Variants in HSP90AA1 observed in about 807,000 individuals in gnomAD.
HSP90AA1 encodes heat shock protein 90 alpha family class A member 1, also known as heat shock protein HSP 90-alpha.
In HSP90AA1, 18 loss-of-function variants were observed where a neutral mutation model predicts 73.3. That is an observed-to-expected ratio of 0.25 (90% CI 0.17 to 0.36). The LOEUF is 0.36. Among genes scored for constraint, HSP90AA1 ranks in the 10% least tolerant of loss-of-function variants. The pLI, the probability that HSP90AA1 is intolerant of heterozygous loss-of-function variation, is 1.00. For synonymous variants in HSP90AA1, 477 were observed against 296.9 expected (o/e 1.61, Z -6.24); for missense variants, 704 against 874.2 (o/e 0.81, Z 2.45).
At chr14:102,112,518 G>A (rs1484044621) in intron 1 of HSP90AA1, among the ~76,000 whole-genome samples, 2 of 151,142 alleles carry the variant, frequency 1.3e-5, no homozygotes, top group Non-Finnish European at 2.9e-5. Flanking sequence ...TTGCTCTGTT[G>A]CCTAGCCTGG....
At chr14:102,089,077 C>T (rs973179058), upstream of HSP90AA1, among the ~76,000 whole-genome samples, 5 of 152,036 alleles carry the variant, frequency 3.3e-5, no homozygotes, top group East Asian at 1.9e-4. Flanking sequence ...CCCACCACTA[C>T]GCCCGGCTAA....
chr14:102,085,081 C>T, intron 4 of HSP90AA1, 83 bp from the exon 5 acceptor site: 1 of 1,607,006 alleles, frequency 6.2e-7, no homozygotes, highest in East Asian at 2.2e-5. Context: ...CAACCTAAGG[C>T]CCAAGTCTAA....
intron 1 of HSP90AA1, among the ~76,000 whole-genome samples, chr14:102,122,785 A>T (rs561198802): frequency 6.6e-6 from 1 of 151,610 alleles, no homozygotes. Flanking sequence ...CTCCTGTTTC[A>T]GCCTCCCGAG....
At chr14:102,139,566 G>C (rs972237632) in exon 1 of HSP90AA1, 1 of 774,388 alleles carries the variant, frequency 1.3e-6, no homozygotes, top group African/African-American at 1.8e-5. Flanking sequence ...CACCAGCCCC[G>C]CCGCGGTTCC....
intron 2 of HSP90AA1, among the ~76,000 whole-genome samples, chr14:102,097,112 G>A (rs1028432082): frequency 9.2e-5 from 14 of 151,828 alleles, no homozygotes; most frequent in African/African-American, 3.4e-4. Context: ...TCAGCCTCCC[G>A]AATAGCTGGG....
At chr14:102,125,726 T>C (rs2049831972) in intron 1 of HSP90AA1, among the ~76,000 whole-genome samples, 1 of 152,216 alleles carries the variant, frequency 6.6e-6, no homozygotes. Flanking sequence ...CAATCGTGTG[T>C]AGCGAACAAC....
exon 1 of HSP90AA1, chr14:102,139,518 G>T: frequency 9.1e-7 from 1 of 1,096,116 alleles, no homozygotes; most frequent in Non-Finnish European, 1.3e-6. Context: ...GCGGGAGACC[G>T]CTGAGGAGGC....
At position 102,083,199 on chromosome 14, in the gene HSP90AA1, G is replaced by A. The variant is rs1595655120; in HGVS notation, c.1590C>T (p.Val530=). The A allele has an allele frequency of 1.9e-6, 3 of 1,613,930 alleles. No homozygotes were observed. The highest frequency in any genetic ancestry group is 1.7e-6 in the Non-Finnish European group (2 of 1,179,956). Reference sequence around the variant, plus strand: ...TCCCCTCAAATTCCTTCAGCTGTTGGACACAGTACTCATCAATGGGCTCAA... The same window carrying A: ...TCCCCTCAAATTCCTTCAGCTGTTGAACACAGTACTCATCAATGGGCTCAA... ...YMIEPIDEYC[V]QQLKEFEGKT... Residue 530 remains valine (V), a synonymous_variant, in exon 9 of 11, where the codon GTC becomes GTT. Transcript: ENST00000216281.
chr14:102,084,005 T>C (rs200835561), intron 6 of HSP90AA1, 22 bp from the exon 7 acceptor site: 380 of 1,574,676 alleles, frequency 2.4e-4, no homozygotes, highest in Non-Finnish European at 3.2e-4. Flanking sequence ...ATAAACCAAA[T>C]GCACTGAGTC....
At chr14:102,093,559 G>C (rs1434747493) in intron 2 of HSP90AA1, among the ~76,000 whole-genome samples, 1 of 152,006 alleles carries the variant, frequency 6.6e-6, no homozygotes, top group Non-Finnish European at 1.5e-5. Flanking sequence ...TTAAAGCACG[G>C]GTCTGGAGCC....
rs796389419 is a variant in HSP90AA1 at position 102,105,227 on chromosome 14, A to C, written c.156-3142T>G. Among the ~76,000 whole-genome samples, 80 of 135,804 alleles carry C rather than the reference A, an allele frequency of 5.9e-4. 2 individuals are homozygous for C. The highest frequency in any genetic ancestry group is 2.2e-3 in the African/African-American group (65 of 29,320). The allele number at this position is 135,804 out of a possible 152,430, so 89.1% of individuals were successfully genotyped here. ...GTCTCAAAAAAAAAAAACAAAAAAA[A>C]AACCAAACTTCATTCAACAAACACT... On this transcript the variant is annotated intron_variant, in intron 1 of 11. Transcript: ENST00000334701.
chr14:102,115,228 G>T (rs1469100490), intron 1 of HSP90AA1, among the ~76,000 whole-genome samples: 4 of 152,102 alleles, frequency 2.6e-5, no homozygotes, highest in Non-Finnish European at 5.9e-5. Flanking sequence ...GAACCCGGGA[G>T]GTAGAGTGAG....
At chr14:102,112,455 T>A (rs1170765673) in intron 1 of HSP90AA1, among the ~76,000 whole-genome samples, 1 of 152,228 alleles carries the variant, frequency 6.6e-6, no homozygotes, top group Non-Finnish European at 1.5e-5. Flanking sequence ...GTTACGGGCG[T>A]GAGCCACCGT....
chr14:102,086,946 C>G (rs2049256444), intron 1 of HSP90AA1, 40 bp downstream of exon 1: 1 of 970,210 alleles, frequency 1.0e-6, no homozygotes, highest in South Asian at 4.8e-5. Context: ...CAGTCCCGGT[C>G]CCCAGTCCAC....
chr14:102,091,607 C>G (rs1284152008), upstream of HSP90AA1, among the ~76,000 whole-genome samples: 1 of 151,856 alleles, frequency 6.6e-6, no homozygotes, highest in Non-Finnish European at 1.5e-5. Context: ...ACCTGGGCAA[C>G]AGAGTGAGAC....
intron 1 of HSP90AA1, among the ~76,000 whole-genome samples, chr14:102,127,159 A>T (rs921562642): frequency 2.0e-5 from 3 of 152,010 alleles, no homozygotes; most frequent in African/African-American, 4.8e-5. Flanking sequence ...AAAAAATCTC[A>T]TCTTTCCTGT....
At position 102,084,436 on chromosome 14, in the gene HSP90AA1, G is replaced by A. The variant is rs1486720038; in HGVS notation, c.1110C>T (p.Ile370=). 1.2e-5 allele frequency: 19 copies of A among 1,612,898 alleles called. No individual in the cohort carries two copies. Among genetic ancestry groups the A allele is most frequent in the South Asian group, 3.3e-5 (3 of 91,062 alleles). ...GGATTAGCTCCTCACAGTTATCCAT[G>A]ATGAAAACTCTGCGTACATACAATT... ...NIKLYVRRVF[I]MDNCEELIPE... Residue 370 remains isoleucine (I), a synonymous_variant, in exon 6 of 11, where the codon ATC becomes ATT. Coordinates refer to ENST00000216281, the MANE Select transcript of HSP90AA1 (RefSeq NM_005348.4).
chr14:102,083,034 C>A lies in HSP90AA1; in HGVS notation c.1755G>T (p.Lys585Asn). 1 of 1,613,736 alleles carries A rather than the reference C, an allele frequency of 6.2e-7. No homozygotes were observed. The change falls in exon 9 of 11, where the codon AAG becomes AAT. Residue 585 changes from lysine to asparagine, a missense_variant and splice_region_variant. Transcript: ENST00000216281. The stretch of plus-strand genomic sequence containing the variant: ...ATCAGGAAATGCTGTATTCACATAC[C>A]TTTTCAACTTTTTTCTCCAATATGT... The part of the protein sequence containing the change: ...MKDILEKKVE[K>N]VVVSNRLVTS...
At chr14:102,099,479 A>G (rs768448180) in intron 2 of HSP90AA1, among the ~76,000 whole-genome samples, 47 of 152,284 alleles carry the variant, frequency 3.1e-4, no homozygotes, top group South Asian at 1.9e-3. Flanking sequence ...AATCACTTGG[A>G]TCTGGGAGGC....
Sources: allele counts gnomAD v4.1 joint callset (sites outside exome capture counted in the v4.1 genomes callset), GRCh38; gene constraint gnomAD v4.1.1; transcripts MANE v1.5; gene names NCBI Gene and HGNC (gene_info 2026-07-23, HGNC 2026-07-21).